The following KIFC3 variants were observed in gnomAD, a reference collection of about 807,000 sequenced individuals.
KIFC3 encodes kinesin family member C3.
Under a neutral mutation model 101.8 loss-of-function variants are expected in KIFC3, and 60 were observed. That is an observed-to-expected ratio of 0.59 (90% confidence interval 0.48 to 0.73). The LOEUF is 0.73. KIFC3 is among the 30% of genes least tolerant of loss of function. The pLI, the probability that KIFC3 is intolerant of heterozygous loss-of-function variation, is 0.00. For synonymous variants in KIFC3, 476 were observed against 482.7 expected (o/e 0.99, Z 0.18); for missense variants, 966 against 1,137.1 (o/e 0.85, Z 2.16).
At chr16:57,822,802 C>T (rs1441950616) in intron 1 of KIFC3, among the ~76,000 whole-genome samples, 2 of 152,166 alleles carry the variant, frequency 1.3e-5, no homozygotes, top group Non-Finnish European at 2.9e-5. Context: ...CAACACAGAG[C>T]TTGGATTTCC....
chr16:57,838,168 A>T (rs1430860700), intron 1 of KIFC3, among the ~76,000 whole-genome samples: 1 of 152,220 alleles, frequency 6.6e-6, no homozygotes, highest in East Asian at 1.9e-4. Context: ...CTGCCAAAGA[A>T]CAAAGAGAAA....
At chr16:57,855,501 G>A (rs1334847093) in intron 1 of KIFC3, among the ~76,000 whole-genome samples, 1 of 151,932 alleles carries the variant, frequency 6.6e-6, no homozygotes, top group Non-Finnish European at 1.5e-5. Flanking sequence ...ATAAAAATTT[G>A]TGAGATTCAG....
intron 1 of KIFC3, among the ~76,000 whole-genome samples, chr16:57,814,130 C>T (rs2149264830): frequency 6.6e-6 from 1 of 152,248 alleles, no homozygotes; most frequent in South Asian, 2.1e-4. Context: ...CCTGCAGCCG[C>T]CCTGCCCAGC....
chr16:57,814,401 C>G (rs1261700496), intron 1 of KIFC3, among the ~76,000 whole-genome samples: 1 of 152,166 alleles, frequency 6.6e-6, no homozygotes, highest in Non-Finnish European at 1.5e-5. Context: ...GTCCCTGATT[C>G]AGGCTCCCAT....
Position 57,798,158 on chromosome 16 carries a change from T to TC in KIFC3, c.85dup (p.Glu29GlyfsTer40). ...TGGGGCGGGGCGAGCCATCCCCGGC[T>TC]CGGGCTCCGGGGCCCGGCCCACTCT... On this transcript the variant is annotated frameshift_variant, in exon 2 of 20. Coordinates refer to ENST00000445690, the MANE Select transcript of KIFC3 (RefSeq NM_001130100.2). LOFTEE classifies it high-confidence loss of function. The TC allele has an allele frequency of 6.5e-7, 1 of 1,544,324 alleles. No homozygotes were observed. Among genetic ancestry groups the TC allele is most frequent in the Non-Finnish European group, 8.7e-7 (1 of 1,145,012 alleles).
Position 57,772,237 on chromosome 16 carries a change from G to A in KIFC3, c.367C>T (p.Leu123=), listed in dbSNP as rs1555609245. The A allele has an allele frequency of 1.2e-6, 2 of 1,613,716 alleles. No individual in the cohort carries two copies. The highest frequency in any genetic ancestry group is 2.2e-5 in the East Asian group (1 of 44,880). The change falls in exon 4 of 20, where the codon CTG becomes TTG. Residue 123 remains leucine, a synonymous_variant. Coordinates refer to ENST00000445690, the MANE Select transcript of KIFC3 (RefSeq NM_001130100.2). ...TGTGGCCTCACCAGCTCAGATCGCAGTCGGCTCACTTCCTGGGCCTGGCTA... is the reference window on the plus strand; with the variant it reads ...TGTGGCCTCACCAGCTCAGATCGCAATCGGCTCACTTCCTGGGCCTGGCTA... ...LISQAQEVSR[L]RSELGGTDLE...
intron 3 of KIFC3, among the ~76,000 whole-genome samples, chr16:57,786,689 C>G (rs1043332611): frequency 5.9e-5 from 9 of 152,148 alleles, no homozygotes; most frequent in Non-Finnish European, 1.3e-4. Flanking sequence ...CATTAGTCCC[C>G]AGGAAACCCA....
rs147346017 is a variant in KIFC3 at position 57,859,558 on chromosome 16, G to A, written c.108+3171C>T. On this transcript the variant is annotated intron_variant, in intron 1 of 2. Coordinates refer to the KIFC3 transcript ENST00000563028. ...CAGGGGGCTCATTCATTCCTGCTGA[G>A]CTGCTACAGACCCTAAGATTATGTT... Among the ~76,000 whole-genome samples the A allele has an allele frequency of 8.9e-3, 1,356 of 152,234 alleles. 20 individuals carry two copies. The highest frequency in any genetic ancestry group is 0.031 in the African/African-American group (1,287 of 41,536).
At chr16:57,791,929 GA>G (rs1347064808) in intron 3 of KIFC3, among the ~76,000 whole-genome samples, 3 of 152,174 alleles carry the variant, frequency 2.0e-5, no homozygotes, top group Non-Finnish European at 4.4e-5. Context: ...GAAGGAACAA[GA>G]AACACCTCGA....
intron 3 of KIFC3, chr16:57,782,076 G>C: frequency 3.0e-6 from 3 of 985,478 alleles, no homozygotes; most frequent in Non-Finnish European, 3.6e-6. Flanking sequence ...AGAATTCCAG[G>C]AAAGTCCAAG....
chr16:57,761,176 G>A lies in KIFC3; in HGVS notation c.1873-5C>T. 1 of 1,613,716 alleles carries A rather than the reference G, an allele frequency of 6.2e-7. No individual in the cohort carries two copies. Among genetic ancestry groups the A allele is most frequent in the South Asian group, 1.1e-5 (1 of 91,052 alleles). ...AGTGTGGCCAAACTCAAACACCTGG[G>A]GGATTGGGAGGAGGGCAGAGGCACA... On this transcript the variant is annotated splice_region_variant and splice_polypyrimidine_tract_variant and intron_variant, in intron 14 of 19. Coordinates refer to ENST00000445690, the MANE Select transcript of KIFC3 (RefSeq NM_001130100.2).
chr16:57,829,656 G>A (rs549231768), intron 1 of KIFC3, among the ~76,000 whole-genome samples: 16 of 152,366 alleles, frequency 1.1e-4, no homozygotes, highest in Middle Eastern at 3.4e-3. Flanking sequence ...TGAATAGGTA[G>A]ACCTTGAACT....
rs150372660 is a variant in KIFC3, at chr16:57,795,050, G to T, written c.264C>A (p.Ser88Arg). ...RPALAQCRAL[S>R]VDWAGPGSPH... ...GGCTTCCGGGGCCAGCCCAGTCCAC[G>T]CTAAGGGCTCGGCACTGAGCTAGGG... The change falls in exon 3 of 20, where the codon AGC becomes AGA. Residue 88 changes from serine (S) to arginine (R), a missense_variant. Around this residue, in one of 2 missense-constraint regions of KIFC3, gnomAD observed 277 missense variants for 252.5 expected, o/e 1.10. Coordinates refer to ENST00000445690, the MANE Select transcript of KIFC3 (RefSeq NM_001130100.2). The T allele has an allele frequency of 2.5e-6, 4 of 1,602,722 alleles. No homozygotes were observed. The African/African-American group carries it at 4.1e-5, about 16-fold the overall frequency.
chr16:57,812,778 G>A (rs2055121125), intron 1 of KIFC3, among the ~76,000 whole-genome samples: 1 of 152,204 alleles, frequency 6.6e-6, no homozygotes, highest in African/African-American at 2.4e-5. Flanking sequence ...TCAGTTGCCT[G>A]GAAACATCTT....
chr16:57,803,080 T>C, upstream of KIFC3: 4 of 1,518,856 alleles, frequency 2.6e-6, no homozygotes, highest in Non-Finnish European at 3.5e-6. Context: ...CCAGGCCGCC[T>C]TCTAGCCACA....
chr16:57,860,327 C>G (rs535812428), intron 1 of KIFC3, among the ~76,000 whole-genome samples: 56 of 152,242 alleles, frequency 3.7e-4, no homozygotes, highest in African/African-American at 1.3e-3. Flanking sequence ...GTGGCACATG[C>G]CTGTAATCCC....
intron 1 of KIFC3, among the ~76,000 whole-genome samples, chr16:57,829,762 G>A (rs1360140647): frequency 1.3e-5 from 2 of 152,296 alleles, no homozygotes; most frequent in East Asian, 3.9e-4. Flanking sequence ...TCACGGAGCT[G>A]CAGAGTTGAC....
chr16:57,837,554 G>GAAGGAAGGAAGGAAGGAAGAAAGAAAGA (rs71152302), intron 1 of KIFC3, among the ~76,000 whole-genome samples: 8 of 99,916 alleles, frequency 8.0e-5, no homozygotes, highest in African/African-American at 2.7e-4. Context: ...AGGAAGGAAG[G>GAAGGAAGGAAGGAAGGAAGAAAGAAAGA]AAGAAAGAAA....
chr16:57,801,971 G>T (rs1415977037), intron 1 of KIFC3, among the ~76,000 whole-genome samples: 1 of 152,256 alleles, frequency 6.6e-6, no homozygotes, highest in East Asian at 1.9e-4. Context: ...CCCAAGGGAC[G>T]TGGTGGGAGG....
Sources: allele counts gnomAD v4.1 joint callset (sites outside exome capture counted in the v4.1 genomes callset), GRCh38; gene constraint gnomAD v4.1.1; regional missense constraint gnomAD v4.1.1; transcripts MANE v1.5; gene names NCBI Gene and HGNC (gene_info 2026-07-23, HGNC 2026-07-21).